CDK14: variants seen among roughly 807,000 people sequenced by gnomAD.
CDK14 encodes cyclin dependent kinase 14, also known as cyclin-dependent kinase 14.
In CDK14, 34 loss-of-function variants were observed where a neutral mutation model predicts 60.7. The ratio of observed to expected loss-of-function variants is 0.56; its 90% CI spans 0.43 to 0.75. The LOEUF (loss-of-function observed/expected upper bound fraction) is 0.75. CDK14 is among the 30% of genes least tolerant of loss of function. The probability of loss-of-function intolerance (pLI) is 0.00; values close to 1 mark genes in which losing one functional copy is unlikely to be tolerated. For missense variants in CDK14, 482 were observed against 564.1 expected (o/e 0.85, Z 1.47); for synonymous variants, 197 against 203.7 (o/e 0.97, Z 0.28).
rs1446774584 is a variant in CDK14 at position 90,747,690 on chromosome 7, C to G, written c.379C>G (p.Pro127Ala). ...TGTGCTTCATTTTTAGCCAACAAGTCCCAAATTTGGAAAAGCTGACTCATA... is the reference window on the plus strand; with the variant it reads ...TGTGCTTCATTTTTAGCCAACAAGTGCCAAATTTGGAAAAGCTGACTCATA... ...RHSSPSSPTSPKFGKADSYEK... is the reference protein window; with the variant it reads ...RHSSPSSPTSAKFGKADSYEK... The change falls in exon 4 of 15, where the codon CCC (proline) becomes GCC (alanine). Residue 127 changes from proline to alanine, a missense_variant. Transcript: ENST00000380050. 6.3e-7 allele frequency: 1 copy of G among 1,591,322 alleles called. No homozygotes were observed. The highest frequency in any genetic ancestry group is 8.5e-7 in the Non-Finnish European group (1 of 1,170,312).
intron 5 of CDK14, among the ~76,000 whole-genome samples, chr7:90,812,229 A>G (rs746651812): frequency 3.9e-5 from 6 of 152,240 alleles, no homozygotes; most frequent in Non-Finnish European, 7.3e-5. Flanking sequence ...AATATCCAAC[A>G]ATGATAAACT....
intron 5 of CDK14, among the ~76,000 whole-genome samples, chr7:90,849,019 G>A (rs748976278): frequency 6.6e-6 from 1 of 152,066 alleles, no homozygotes; most frequent in Admixed American, 6.6e-5. Context: ...TCTACTTCCA[G>A]TTTCCTCATT....
chr7:90,683,809 C>T (rs10273481), intron 2 of CDK14, among the ~76,000 whole-genome samples: 12,073 of 152,012 alleles, frequency 0.079, 510 homozygotes, highest in South Asian at 0.1. Flanking sequence ...TCCAAAAATC[C>T]GCAAAAGACC....
At chr7:90,991,490 G>T (rs1481428127) in intron 10 of CDK14, among the ~76,000 whole-genome samples, 2 of 151,926 alleles carry the variant, frequency 1.3e-5, no homozygotes, top group African/African-American at 4.8e-5. Flanking sequence ...AGAAATGAAG[G>T]GTAAGAACAG....
At chr7:90,968,656 A>G (rs1359451319) in intron 9 of CDK14, among the ~76,000 whole-genome samples, 1 of 152,134 alleles carries the variant, frequency 6.6e-6, no homozygotes, top group East Asian at 1.9e-4. Context: ...GTTTTTGAAT[A>G]CTTAATATAT....
At chr7:91,125,853 T>C (rs1199278778) in intron 14 of CDK14, among the ~76,000 whole-genome samples, 1 of 152,186 alleles carries the variant, frequency 6.6e-6, no homozygotes, top group Non-Finnish European at 1.5e-5. Context: ...TATAGTGCCC[T>C]TGGATTTTTA....
chr7:90,660,881 C>T (rs909476629), intron 2 of CDK14, among the ~76,000 whole-genome samples: 9 of 152,168 alleles, frequency 5.9e-5, no homozygotes, highest in African/African-American at 7.2e-5. Context: ...CATACACTGA[C>T]CACATGTCTC....
intron 4 of CDK14, among the ~76,000 whole-genome samples, chr7:90,767,601 T>G (rs188276009): frequency 6.6e-6 from 1 of 152,314 alleles, no homozygotes; most frequent in East Asian, 1.9e-4. Context: ...CTTTGCTGCC[T>G]TCTCATGTGG....
chr7:90,941,148 C>T (rs981032194), intron 8 of CDK14, among the ~76,000 whole-genome samples: 1 of 152,114 alleles, frequency 6.6e-6, no homozygotes, highest in African/African-American at 2.4e-5. Context: ...CTTGTAACTT[C>T]AGTAATCAAG....
At chr7:90,645,692 A>G (rs1800449899) in intron 2 of CDK14, among the ~76,000 whole-genome samples, 2 of 152,174 alleles carry the variant, frequency 1.3e-5, no homozygotes, top group Admixed American at 1.3e-4. Flanking sequence ...ATGTTTTTAG[A>G]CAGTTATAAT....
At chr7:91,054,832 C>T (rs996349245) in intron 11 of CDK14, among the ~76,000 whole-genome samples, 18 of 152,042 alleles carry the variant, frequency 1.2e-4, no homozygotes, top group African/African-American at 2.9e-4. Flanking sequence ...ACAGGGACAG[C>T]GGCAAGAAAC....
At chr7:90,755,017 A>G (rs1803999115) in intron 4 of CDK14, among the ~76,000 whole-genome samples, 1 of 152,152 alleles carries the variant, frequency 6.6e-6, no homozygotes, top group Admixed American at 6.5e-5. Context: ...GCTGGTGAGA[A>G]TGTAAATTAG....
intron 6 of CDK14, among the ~76,000 whole-genome samples, chr7:90,877,389 A>G (rs958877808): frequency 6.6e-6 from 1 of 151,776 alleles, no homozygotes; most frequent in East Asian, 1.9e-4. Context: ...ACAGATACTC[A>G]TGCCTCATTT....
chr7:90,887,466 T>C (rs962877099), intron 6 of CDK14, among the ~76,000 whole-genome samples: 2 of 152,230 alleles, frequency 1.3e-5, no homozygotes, highest in African/African-American at 4.8e-5. Flanking sequence ...TGTTTACCAT[T>C]ACTTTCTCTG....
chr7:91,006,682 A>G (rs939116840), intron 10 of CDK14, among the ~76,000 whole-genome samples: 5 of 152,232 alleles, frequency 3.3e-5, no homozygotes, highest in Admixed American at 6.5e-5. Context: ...CTGTCTGGTA[A>G]TGTTTATTAA....
chr7:90,902,802 C>G (rs1421976031), intron 7 of CDK14, among the ~76,000 whole-genome samples: 1 of 152,088 alleles, frequency 6.6e-6, no homozygotes, highest in East Asian at 1.9e-4. Context: ...AGCAAAGATA[C>G]AAGCTGTTGA....
intron 12 of CDK14, among the ~76,000 whole-genome samples, chr7:91,098,247 C>G (rs1045566285): frequency 6.6e-6 from 1 of 152,170 alleles, no homozygotes; most frequent in Non-Finnish European, 1.5e-5. Flanking sequence ...TTGAACTAAA[C>G]TTTAATAACC....
intron 4 of CDK14, 47 bp downstream of exon 4, chr7:90,747,822 C>T: frequency 1.2e-6 from 1 of 834,186 alleles, no homozygotes; most frequent in Non-Finnish European, 1.8e-6. Flanking sequence ...GTGTATCTGC[C>T]CTCTTATTAC....
chr7:90,630,553 C>T (rs1799970980), intron 2 of CDK14, among the ~76,000 whole-genome samples: 1 of 152,118 alleles, frequency 6.6e-6, no homozygotes. Context: ...AAAAGTTGTA[C>T]TTTGACTTAT....
Sources: allele counts gnomAD v4.1 joint callset (sites outside exome capture counted in the v4.1 genomes callset), GRCh38; gene constraint gnomAD v4.1.1; transcripts MANE v1.5; gene names NCBI Gene and HGNC (gene_info 2026-07-23, HGNC 2026-07-21).